Variants in OSBP2 observed in about 807,000 individuals in gnomAD.
The protein encoded by OSBP2 is oxysterol-binding protein 2.
Under a neutral mutation model 96.0 loss-of-function variants are expected in OSBP2, and 66 were observed. The ratio of observed to expected loss-of-function variants is 0.69; its 90% CI spans 0.56 to 0.84. The LOEUF (loss-of-function observed/expected upper bound fraction) is 0.84, where lower values mean the gene tolerates loss of function less well. Ranked by LOEUF, OSBP2 falls within the 40% of genes least tolerant of loss-of-function variation. OSBP2 has a pLI of 0.00. For synonymous variants in OSBP2, 525 were observed against 520.9 expected (o/e 1.01, Z -0.11); for missense variants, 1,038 against 1,222.7 (o/e 0.85, Z 2.25).
At chr22:30,748,944 C>T (rs968951836) in intron 2 of OSBP2, among the ~76,000 whole-genome samples, 1 of 152,096 alleles carries the variant, frequency 6.6e-6, no homozygotes, top group Non-Finnish European at 1.5e-5. Flanking sequence ...GGTGAAACCC[C>T]GTCTGTAATA....
intron 1 of OSBP2, among the ~76,000 whole-genome samples, chr22:30,709,545 C>A (rs898774084): frequency 2.6e-5 from 4 of 151,568 alleles, no homozygotes; most frequent in African/African-American, 9.7e-5. Context: ...GAGACAGAGT[C>A]TCACTCTGTC....
intron 2 of OSBP2, among the ~76,000 whole-genome samples, chr22:30,797,307 A>T (rs1032776467): frequency 7.9e-5 from 12 of 152,040 alleles, no homozygotes; most frequent in Non-Finnish European, 5.9e-5. Context: ...TTTGAGACAA[A>T]GTCTCCGCCC....
chr22:30,710,526 CT>C (rs1569091628), intron 1 of OSBP2, among the ~76,000 whole-genome samples: 1 of 152,004 alleles, frequency 6.6e-6, no homozygotes, highest in Non-Finnish European at 1.5e-5. Context: ...GGAAGGACCC[CT>C]GATAGAATTA....
intron 1 of OSBP2, among the ~76,000 whole-genome samples, chr22:30,730,809 A>ATAAT (rs1569100787): frequency 5.2e-4 from 11 of 21,274 alleles, no homozygotes; most frequent in East Asian, 5.0e-3. Flanking sequence ...TATATATATA[A>ATAAT]TTTTTTTTTT....
chr22:30,762,449 G>A (rs2090218124), intron 2 of OSBP2, among the ~76,000 whole-genome samples: 1 of 151,598 alleles, frequency 6.6e-6, no homozygotes, highest in Non-Finnish European at 1.5e-5. Context: ...TCGGGAGGCT[G>A]AGGCAGGGGG....
At chr22:30,892,034 G>A (rs2039960533) in intron 8 of OSBP2, among the ~76,000 whole-genome samples, 2 of 152,108 alleles carry the variant, frequency 1.3e-5, no homozygotes, top group Non-Finnish European at 2.9e-5. Flanking sequence ...GTGCACCCCG[G>A]GTGGGGCCTG....
At chr22:30,788,628 AGTCTCTAAT>A (rs1209132820) in intron 2 of OSBP2, among the ~76,000 whole-genome samples, 2 of 152,224 alleles carry the variant, frequency 1.3e-5, no homozygotes. Context: ...CAGCATAATG[AGTCTCTAAT>A]GCCAAGGACT....
intron 2 of OSBP2, among the ~76,000 whole-genome samples, chr22:30,853,205 G>T (rs986239089): frequency 9.9e-5 from 15 of 152,132 alleles, no homozygotes; most frequent in Admixed American, 3.3e-4. Context: ...CAGCTGTATT[G>T]TATTATCGTA....
intron 1 of OSBP2, among the ~76,000 whole-genome samples, chr22:30,718,403 G>A (rs1010705604): frequency 2.0e-5 from 3 of 152,148 alleles, no homozygotes; most frequent in Non-Finnish European, 4.4e-5. Flanking sequence ...TGATGTCTGG[G>A]GTTCTTTCTA....
At chr22:30,703,378 T>A (rs1319878949) in intron 1 of OSBP2, among the ~76,000 whole-genome samples, 1 of 152,176 alleles carries the variant, frequency 6.6e-6, no homozygotes, top group Non-Finnish European at 1.5e-5. Context: ...TTCACCATGT[T>A]GGCCAAACTG....
intron 12 of OSBP2, among the ~76,000 whole-genome samples, chr22:30,902,995 G>A (rs761251031): frequency 7.9e-5 from 12 of 152,128 alleles, no homozygotes; most frequent in South Asian, 2.1e-4. Flanking sequence ...CTGTTTGTGC[G>A]TTTTTTTCTT....
chr22:30,775,552 G>A (rs1425702242), intron 2 of OSBP2, among the ~76,000 whole-genome samples: 2 of 152,086 alleles, frequency 1.3e-5, no homozygotes, highest in Non-Finnish European at 2.9e-5. Context: ...GGGAGGCAGA[G>A]AGGTTGCAGT....
intron 2 of OSBP2, among the ~76,000 whole-genome samples, chr22:30,769,232 T>C (rs531069876): frequency 6.6e-6 from 1 of 152,326 alleles, no homozygotes; most frequent in East Asian, 1.9e-4. Flanking sequence ...TGCTGTTGAG[T>C]CACTGTGTGA....
chr22:30,881,287 C>T lies in OSBP2; in HGVS notation c.1108-6139C>T, dbSNP rs1477132496. Among the ~76,000 whole-genome samples, 6 of 152,170 alleles carry T rather than the reference C, an allele frequency of 3.9e-5. No homozygotes were observed. The highest frequency in any genetic ancestry group is 8.8e-5 in the Non-Finnish European group (6 of 68,030). On this transcript the variant is annotated intron_variant, in intron 3 of 13. Transcript: ENST00000332585. This position sits in a 1 kb window ranked among gnomAD's most constrained non-coding sequence, Gnocchi z 4.5. ...TGAGGACAATCAACCTGACAGGTCA[C>T]AGAATCAGGGACTCTGTAGGAGCCC...
rs373876520 is a variant in OSBP2, at chr22:30,870,467, G to A, written c.892G>A (p.Asp298Asn). 2.6e-5 allele frequency: 42 copies of A among 1,613,980 alleles called. No individual in the cohort carries two copies. Among genetic ancestry groups the A allele is most frequent in the African/African-American group, 1.5e-4 (11 of 75,018 alleles). Residue 298 changes from aspartate to asparagine, a missense_variant, in exon 3 of 14, where the codon GAC (aspartate) becomes AAC (asparagine). Physicochemically the swap from Asp to Asn is conservative, Grantham distance 23 (BLOSUM62 1). Coordinates refer to ENST00000332585, the MANE Select transcript of OSBP2 (RefSeq NM_030758.4). The surrounding 1 kb of genome is among the most constrained non-coding windows in gnomAD (Gnocchi z 4.1). ...CGACGACGAGGCTACCACCCCAGCC[G>A]ACAAGAGCGAGCTGCACCACACCCT... ...GDDDEATTPA[D>N]KSELHHTLKN...
chr22:30,701,763 G>A (rs1393080166), intron 1 of OSBP2, among the ~76,000 whole-genome samples: 2 of 152,068 alleles, frequency 1.3e-5, no homozygotes, highest in Non-Finnish European at 2.9e-5. Flanking sequence ...TCACATAATG[G>A]GCTGGATACC....
intron 1 of OSBP2, among the ~76,000 whole-genome samples, chr22:30,717,096 G>T (rs767411538): frequency 0.24 from 28,792 of 120,266 alleles, 3,833 homozygotes; most frequent in East Asian, 0.5. Context: ...GTTTTTGTGT[G>T]TGTGTGTGTG....
chr22:30,868,786 G>A (rs1040262224), intron 2 of OSBP2, among the ~76,000 whole-genome samples: 3 of 152,206 alleles, frequency 2.0e-5, no homozygotes, highest in Non-Finnish European at 4.4e-5. Flanking sequence ...GCAGCTGGCT[G>A]GCCTGACCCT....
chr22:30,711,455 A>G (rs1382161861), intron 1 of OSBP2, among the ~76,000 whole-genome samples: 1 of 151,894 alleles, frequency 6.6e-6, no homozygotes, highest in Non-Finnish European at 1.5e-5. Flanking sequence ...CAAAATTAAG[A>G]CCAGGCCTGG....
Sources: allele counts gnomAD v4.1 joint callset (sites outside exome capture counted in the v4.1 genomes callset), GRCh38; gene constraint gnomAD v4.1.1; non-coding constraint Gnocchi (gnomAD v3.1); transcripts MANE v1.5; gene names NCBI Gene and HGNC (gene_info 2026-07-23, HGNC 2026-07-21).